Variants in UPF2 observed in about 807,000 individuals in gnomAD.
UPF2 encodes the protein regulator of nonsense transcripts 2.
Under a neutral mutation model 141.4 loss-of-function variants are expected in UPF2, and 17 were observed. The ratio of observed to expected loss-of-function variants is 0.12; its 90% CI spans 0.08 to 0.18. The LOEUF is 0.18. UPF2 is among the 10% of genes least tolerant of loss of function. The probability of loss-of-function intolerance (pLI) is 1.00; values close to 1 mark genes in which losing one functional copy is unlikely to be tolerated. For synonymous variants in UPF2, 540 were observed against 498.0 expected, an observed-to-expected ratio of 1.08 and a Z score of -1.12; for missense variants, 1,152 against 1,515.9, an observed-to-expected ratio of 0.76 and a Z score of 3.99.
In UPF2 at chr10:11,956,507, C is replaced by T. The variant is rs1833153719; in HGVS notation, c.2387G>A (p.Arg796Gln). 6.2e-6 allele frequency: 10 copies of T among 1,613,604 alleles called. No homozygotes were observed. The highest frequency in any genetic ancestry group is 8.5e-6 in the Non-Finnish European group (10 of 1,179,836). ...TTCTTGGTCCTGCCAGGGCAGCTTT[C>T]GCATCTGTCTCAAAACCTAAAAAAA... The part of the protein sequence containing the change: ...VTTEKVLRQM[R>Q]KLPWQDQEVK... Residue 796 changes from arginine to glutamine, a missense_variant, in exon 13 of 22, where the codon CGA becomes CAA. Around this residue, in one of 4 missense-constraint regions of UPF2, gnomAD observed 739 missense variants for 1,032.2 expected, o/e 0.72. Transcript: ENST00000357604. The surrounding 1 kb of genome is among the most constrained non-coding windows in gnomAD (Gnocchi z 4.2).
At chr10:11,957,510 A>ACTTT (rs985229879) in intron 12 of UPF2, among the ~76,000 whole-genome samples, 1 of 151,386 alleles carries the variant, frequency 6.6e-6, no homozygotes, top group Non-Finnish European at 1.5e-5. Flanking sequence ...AAATAATCTC[A>ACTTT]CTTTCTTTCT....
chr10:11,926,817 G>A (rs923424146), intron 21 of UPF2, among the ~76,000 whole-genome samples: 1 of 152,224 alleles, frequency 6.6e-6, no homozygotes, highest in Admixed American at 6.5e-5. Context: ...AGGGGCAAGT[G>A]TAGCCGATTC....
chr10:11,968,783 G>A (rs1018594892), intron 9 of UPF2, among the ~76,000 whole-genome samples: 4 of 152,134 alleles, frequency 2.6e-5, no homozygotes, highest in African/African-American at 9.7e-5. Flanking sequence ...CATTTTCATC[G>A]GAAAACCAAA....
In UPF2 at chr10:11,942,722, A is replaced by G. The variant is rs1196650817; in HGVS notation, c.3321T>C (p.Cys1107=). ...IKGGGLKHVP[C]VEDEDFIQAL... ...CTTGAATGAAGTCCTCATCTTCTAC[A>G]CAAGGTACATGCTTAAGTCCACCGC... Residue 1107 remains cysteine (C), a synonymous_variant, in exon 18 of 22, where the codon TGT becomes TGC. Coordinates refer to ENST00000357604, the MANE Select transcript of UPF2 (RefSeq NM_015542.4). The G allele has an allele frequency of 6.2e-7, 1 of 1,613,980 alleles. No homozygotes were observed. Among genetic ancestry groups the G allele is most frequent in the Admixed American group, 1.7e-5 (1 of 60,010 alleles).
chr10:11,991,742 T>C (rs4750147), intron 8 of UPF2, among the ~76,000 whole-genome samples: 31,903 of 152,120 alleles, frequency 0.21, 3,698 homozygotes, highest in East Asian at 0.46. Context: ...CTGTGGATTC[T>C]CCACTATAAC....
chr10:11,932,539 A>G (rs1212569779), intron 19 of UPF2, among the ~76,000 whole-genome samples: 2 of 152,210 alleles, frequency 1.3e-5, no homozygotes, highest in Non-Finnish European at 2.9e-5. Flanking sequence ...CAAAAGGCAA[A>G]GTTCTCAAGT....
Position 11,956,641 on chromosome 10 carries a change from A to T in UPF2, c.2371-118T>A. The T allele has an allele frequency of 1.2e-6, 1 of 850,722 alleles. No individual in the cohort carries two copies. The highest frequency in any genetic ancestry group is 1.8e-6 in the Non-Finnish European group (1 of 542,284). 52.7% of individuals were successfully genotyped at this position (850,722 alleles called of 1,614,324 possible). ...CTTTTGAAATAGAAAATACATTAGA[A>T]ATCCTCTATCGGCCTCTTCAGAAAT... is the stretch of plus-strand genomic sequence containing the variant. On this transcript the variant is annotated intron_variant, in intron 12 of 21. Coordinates refer to ENST00000357604, the MANE Select transcript of UPF2 (RefSeq NM_015542.4). This position sits in a 1 kb window ranked among gnomAD's most constrained non-coding sequence, Gnocchi z 4.2.
At chr10:12,006,267 G>A (rs1430809976) in intron 4 of UPF2, among the ~76,000 whole-genome samples, 2 of 152,180 alleles carry the variant, frequency 1.3e-5, no homozygotes. Flanking sequence ...TCTTATTAGA[G>A]AATGGAAAGT....
chr10:12,007,031 A>T (rs1014300240), intron 4 of UPF2, among the ~76,000 whole-genome samples: 2 of 152,190 alleles, frequency 1.3e-5, no homozygotes, highest in Admixed American at 1.3e-4. Flanking sequence ...CTCCAGACAG[A>T]GGAACAAGTT....
intron 4 of UPF2, among the ~76,000 whole-genome samples, chr10:12,011,219 G>A (rs576468807): frequency 1.1e-4 from 16 of 152,192 alleles, no homozygotes; most frequent in South Asian, 8.3e-4. Flanking sequence ...TCTCAAACTC[G>A]CCTCAAGCAA....
At chr10:12,034,232 G>A (rs1386154187) in intron 2 of UPF2, among the ~76,000 whole-genome samples, 1 of 152,060 alleles carries the variant, frequency 6.6e-6, no homozygotes, top group African/African-American at 2.4e-5. Context: ...TGATAGATAA[G>A]AACTCAACAA....
Position 11,991,246 on chromosome 10 carries a change from A to C in UPF2, c.1844+6426T>G, listed in dbSNP as rs575513353. Among the ~76,000 whole-genome samples the C allele has an allele frequency of 5.3e-5, 8 of 152,284 alleles. No individual in the cohort carries two copies. In the South Asian group the frequency reaches 1.7e-3, roughly 32 times the overall value. On this transcript the variant is annotated intron_variant, in intron 8 of 21. Coordinates refer to ENST00000357604, the MANE Select transcript of UPF2 (RefSeq NM_015542.4). Reference sequence around the variant, plus strand: ...TTTAAAGAACTGAATGAACTAAAAGAAGAAATGAGAAAAAGAGTAGTAGAG... The same window carrying C: ...TTTAAAGAACTGAATGAACTAAAAGCAGAAATGAGAAAAAGAGTAGTAGAG...
chr10:12,040,282 C>T (rs1392459451), intron 1 of UPF2, among the ~76,000 whole-genome samples: 2 of 151,972 alleles, frequency 1.3e-5, no homozygotes, highest in Non-Finnish European at 2.9e-5. Context: ...ATTAGCTGGG[C>T]GTGGCAGCAC....
chr10:12,024,065 T>G (rs987229505), intron 3 of UPF2, among the ~76,000 whole-genome samples: 1 of 152,164 alleles, frequency 6.6e-6, no homozygotes, highest in African/African-American at 2.4e-5. Context: ...ATCTTAAATA[T>G]CAGCTAGCTT....
rs766345835 is a variant in UPF2, at chr10:11,921,051, A to T, written c.*247T>A. ...ATTTCTTGACTGCCATTCTCAAGAGAAGATTAACCCTCGCGAGATTTCCAT... is the reference window on the plus strand; with the variant it reads ...ATTTCTTGACTGCCATTCTCAAGAGTAGATTAACCCTCGCGAGATTTCCAT... On this transcript the variant is annotated 3_prime_UTR_variant, in exon 22 of 22. Coordinates refer to ENST00000357604, the MANE Select transcript of UPF2 (RefSeq NM_015542.4). The surrounding 1 kb of genome is among the most constrained non-coding windows in gnomAD (Gnocchi z 5.9). 1.9e-5 allele frequency: 14 copies of T among 731,302 alleles called. No homozygotes were observed. The highest frequency in any genetic ancestry group is 3.4e-5 in the Non-Finnish European group (13 of 387,422). The allele number at this position is 731,302 out of a possible 1,614,324, so 45.3% of individuals were successfully genotyped here.
In UPF2 at chr10:11,955,313, G is replaced by A; in HGVS notation, c.2769C>T (p.Cys923=). 2 of 1,614,146 alleles carry A rather than the reference G, an allele frequency of 1.2e-6. No individual in the cohort carries two copies. The highest frequency in any genetic ancestry group is 1.7e-6 in the Non-Finnish European group (2 of 1,180,028). Residue 923 remains cysteine, a synonymous_variant, in exon 14 of 22, where the codon TGC becomes TGT. Transcript: ENST00000357604. ...ACTGGCCACATGTGTCCAGAATAGT[G>A]CATACGAGTCTAATTCTGAAAAGAT... ...PEHLFRIRLV[C]TILDTCGQYF...
rs550781373 is a variant in UPF2, at chr10:11,963,278, T to A, written c.2184+731A>T. ...TACAGGTGAACCACTTTGAAGATGG[T>A]AATTATATTTCATTTCTTTTTATCA... is the stretch of plus-strand genomic sequence containing the variant. On this transcript the variant is annotated intron_variant, in intron 11 of 21. Coordinates refer to ENST00000357604, the MANE Select transcript of UPF2 (RefSeq NM_015542.4). Among the ~76,000 whole-genome samples, 3 of 152,354 alleles carry A rather than the reference T, an allele frequency of 2.0e-5. No individual in the cohort carries two copies. In the South Asian group the frequency reaches 6.2e-4, roughly 32 times the overall value.
chr10:11,932,655 G>GCTAAGC (rs1832797055), intron 19 of UPF2, among the ~76,000 whole-genome samples: 1 of 152,170 alleles, frequency 6.6e-6, no homozygotes, highest in South Asian at 2.1e-4. Flanking sequence ...CTGCAGAGCT[G>GCTAAGC]CTAAGATACT....
rs904517358 is a variant in UPF2 at position 12,014,760 on chromosome 10, A to G, written c.1146-576T>C. 2.0e-5 allele frequency among the ~76,000 whole-genome samples: 3 copies of G among 152,250 alleles called. No homozygotes were observed. The highest frequency in any genetic ancestry group is 7.2e-5 in the African/African-American group (3 of 41,452). On this transcript the variant is annotated intron_variant, in intron 3 of 21. Coordinates refer to ENST00000357604, the MANE Select transcript of UPF2 (RefSeq NM_015542.4). The surrounding 1 kb of genome is among the most constrained non-coding windows in gnomAD (Gnocchi z 5.0). ...GATTTTGAATAGGTTCAAAAGAAAC[A>G]GAATCAGTTATCCTTAAACTTCCAT...
Sources: gnomAD v4.1 joint callset for allele counts (sites outside exome capture counted in the v4.1 genomes callset) on GRCh38, gnomAD v4.1.1 for gene constraint, gnomAD v4.1.1 regional missense constraint, Gnocchi (gnomAD v3.1) non-coding constraint, MANE v1.5 for transcripts, NCBI Gene and HGNC (gene_info 2026-07-23, HGNC 2026-07-21) for gene names.